Variants in CHST11 observed in about 807,000 individuals in gnomAD.
CHST11 encodes carbohydrate sulfotransferase 11, also known as C4S-1.
In CHST11, 9 loss-of-function variants were observed where a neutral mutation model predicts 30.4. That is an observed-to-expected ratio of 0.30 (90% CI 0.18 to 0.52). The LOEUF (loss-of-function observed/expected upper bound fraction) is 0.52, where lower values mean the gene tolerates loss of function less well. Among genes scored for constraint, CHST11 ranks in the 20% least tolerant of loss-of-function variants. The pLI, the probability that CHST11 is intolerant of heterozygous loss-of-function variation, is 0.97. For missense variants in CHST11, 348 were observed against 460.6 expected, an observed-to-expected ratio of 0.76 and a Z score of 2.24; for synonymous variants, 152 against 187.8, an observed-to-expected ratio of 0.81 and a Z score of 1.56.
intron 1 of CHST11, among the ~76,000 whole-genome samples, chr12:104,507,595 A>G (rs138310110): frequency 2.6e-5 from 4 of 152,300 alleles, no homozygotes; most frequent in East Asian, 3.9e-4. Flanking sequence ...AGTAGCACAC[A>G]GTAGTAAGTG....
chr12:104,713,283 T>C (rs898801433), intron 2 of CHST11, among the ~76,000 whole-genome samples: 1 of 151,920 alleles, frequency 6.6e-6, no homozygotes, highest in Non-Finnish European at 1.5e-5. Context: ...TGCTTGGGGA[T>C]TTGACATGAC....
Position 104,757,235 on chromosome 12 carries a change from T to C in CHST11, c.491T>C (p.Leu164Pro). ...CACGTCTCCGCCAACCTGAAGACCC[T>C]GAACCAGTACAGCATCCCAGAAATC... ...EAHVSANLKT[L>P]NQYSIPEINH... Residue 164 changes from leucine to proline, a missense_variant, in exon 3 of 3, where the codon CTG becomes CCG. By Grantham distance (98) the Leu-to-Pro change is moderately conservative. Coordinates refer to ENST00000303694, the MANE Select transcript of CHST11 (RefSeq NM_018413.6). This position sits in a 1 kb window ranked among gnomAD's most constrained non-coding sequence, Gnocchi z 6.5. 6.2e-7 allele frequency: 1 copy of C among 1,614,118 alleles called. No individual in the cohort carries two copies. The highest frequency in any genetic ancestry group is 8.5e-7 in the Non-Finnish European group (1 of 1,180,018).
At chr12:104,739,627 G>T (rs1302949277) in intron 2 of CHST11, among the ~76,000 whole-genome samples, 1 of 152,214 alleles carries the variant, frequency 6.6e-6, no homozygotes, top group Non-Finnish European at 1.5e-5. Context: ...ACATAGTAAA[G>T]AACTCTATTT....
At chr12:104,717,957 A>G (rs2040144572) in intron 2 of CHST11, among the ~76,000 whole-genome samples, 1 of 152,180 alleles carries the variant, frequency 6.6e-6, no homozygotes, top group South Asian at 2.1e-4. Context: ...CTCAAAATAA[A>G]TTAATTAATT....
At chr12:104,470,981 T>C (rs1465385010) in intron 1 of CHST11, among the ~76,000 whole-genome samples, 1 of 152,208 alleles carries the variant, frequency 6.6e-6, no homozygotes, top group Admixed American at 6.5e-5. Context: ...CCCTACACGC[T>C]ATCCCTGGTG....
At chr12:104,713,471 C>A (rs1476985790) in intron 2 of CHST11, among the ~76,000 whole-genome samples, 2 of 152,062 alleles carry the variant, frequency 1.3e-5, no homozygotes, top group Non-Finnish European at 2.9e-5. Context: ...AGGTGGGAAC[C>A]AGGGTGTGTA....
chr12:104,635,587 G>A (rs568612693), intron 2 of CHST11, among the ~76,000 whole-genome samples: 54 of 152,310 alleles, frequency 3.5e-4, no homozygotes, highest in Admixed American at 2.3e-3. Flanking sequence ...TGGCTTCGCC[G>A]TTTTCCAACA....
At chr12:104,661,208 G>A (rs944542286) in intron 2 of CHST11, among the ~76,000 whole-genome samples, 2 of 152,142 alleles carry the variant, frequency 1.3e-5, no homozygotes, top group Admixed American at 1.3e-4. Flanking sequence ...ATTTGTCAGT[G>A]GGGTTAAATG....
At chr12:104,533,638 C>T (rs1028634681) in intron 1 of CHST11, among the ~76,000 whole-genome samples, 3 of 152,170 alleles carry the variant, frequency 2.0e-5, no homozygotes, top group African/African-American at 4.8e-5. Context: ...GGATTCTCCG[C>T]GTGATAATGA....
In CHST11 at chr12:104,590,850, AGGTGGGGG is replaced by A. The variant is rs1198444289; in HGVS notation, c.119-11055_119-11048del. ...GGCACAAGAATTGCTCGAACATGGG[AGGTGGGGG>A]TTGCAGTGAGCCAATATCGCACCAC... On this transcript the variant is annotated intron_variant, in intron 1 of 2. Coordinates refer to ENST00000303694, the MANE Select transcript of CHST11 (RefSeq NM_018413.6). 2.5e-3 allele frequency among the ~76,000 whole-genome samples: 378 copies of A among 152,080 alleles called. 2 individuals are homozygous for A. Among genetic ancestry groups the A allele is most frequent in the African/African-American group, 8.6e-3 (355 of 41,508 alleles).
intron 2 of CHST11, among the ~76,000 whole-genome samples, chr12:104,665,804 C>G (rs1251450765): frequency 7.1e-6 from 1 of 140,100 alleles, no homozygotes; most frequent in Admixed American, 7.2e-5. Flanking sequence ...CTTTCTCTCT[C>G]TCTGTCTCTT....
chr12:104,708,205 G>A (rs1251304122), intron 2 of CHST11, among the ~76,000 whole-genome samples: 1 of 152,254 alleles, frequency 6.6e-6, no homozygotes, highest in Non-Finnish European at 1.5e-5. Flanking sequence ...AGGCTTTGCA[G>A]TTAGGCCAAC....
intron 1 of CHST11, among the ~76,000 whole-genome samples, chr12:104,528,104 G>A (rs2038146496): frequency 6.6e-6 from 1 of 152,212 alleles, no homozygotes; most frequent in South Asian, 2.1e-4. Context: ...ATTTTTCACA[G>A]GGTGTTAATA....
chr12:104,565,244 C>G (rs2038550617), intron 1 of CHST11, among the ~76,000 whole-genome samples: 1 of 148,382 alleles, frequency 6.7e-6, no homozygotes, highest in South Asian at 2.1e-4. Flanking sequence ...TGGGCAGCCT[C>G]CATGTTTTCT....
chr12:104,601,945 G>A lies in CHST11; in HGVS notation c.158G>A (p.Arg53Gln), dbSNP rs147660307. ...CCCTTTGGTGTGGACATCTGCTGCCGGAAGGGGTCCCGAAGCCCCCTGCAG... is the reference window on the plus strand; with the variant it reads ...CCCTTTGGTGTGGACATCTGCTGCCAGAAGGGGTCCCGAAGCCCCCTGCAG... Reference protein sequence around the residue: ...RNPFGVDICCRKGSRSPLQEL... With the variant: ...RNPFGVDICCQKGSRSPLQEL... Residue 53 changes from arginine to glutamine, a missense_variant, in exon 2 of 3, where the codon CGG (arginine) becomes CAG (glutamine). By Grantham distance (43) the Arg-to-Gln change is conservative (BLOSUM62 1). Coordinates refer to ENST00000303694, the MANE Select transcript of CHST11 (RefSeq NM_018413.6). 28 of 1,613,910 alleles carry A rather than the reference G, an allele frequency of 1.7e-5. No individual in the cohort carries two copies. Among genetic ancestry groups the A allele is most frequent in the South Asian group, 4.4e-5 (4 of 91,080 alleles).
At chr12:104,695,629 T>G (rs2039937151) in intron 2 of CHST11, among the ~76,000 whole-genome samples, 1 of 152,174 alleles carries the variant, frequency 6.6e-6, no homozygotes, top group Non-Finnish European at 1.5e-5. Context: ...GTGATAAGAA[T>G]AGGTTCCCTC....
chr12:104,584,276 T>TTC (rs55806959), intron 1 of CHST11, among the ~76,000 whole-genome samples: 1 of 150,350 alleles, frequency 6.7e-6, no homozygotes, highest in Non-Finnish European at 1.5e-5. Context: ...TTTTTTTTTT[T>TTC]CACAGCGTCT....
At chr12:104,584,276 T>TTTC (rs55806959) in intron 1 of CHST11, among the ~76,000 whole-genome samples, 83 of 150,464 alleles carry the variant, frequency 5.5e-4, no homozygotes, top group Middle Eastern at 3.4e-3. Flanking sequence ...TTTTTTTTTT[T>TTTC]CACAGCGTCT....
chr12:104,485,493 G>A (rs907760571), intron 1 of CHST11, among the ~76,000 whole-genome samples: 1 of 152,216 alleles, frequency 6.6e-6, no homozygotes. Flanking sequence ...CGACCTTTGG[G>A]AACCTCGCTG....
Sources: gnomAD v4.1 joint callset for allele counts (sites outside exome capture counted in the v4.1 genomes callset) on GRCh38, gnomAD v4.1.1 for gene constraint, Gnocchi (gnomAD v3.1) non-coding constraint, MANE v1.5 for transcripts, NCBI Gene and HGNC (gene_info 2026-07-23, HGNC 2026-07-21) for gene names.